Variants in MYO16 observed in about 807,000 individuals in gnomAD.
MYO16 encodes the protein myosin XVI.
A neutral mutation model predicts 205.3 loss-of-function variants in MYO16; 94 were observed. The ratio of observed to expected loss-of-function variants is 0.46; its 90% CI spans 0.39 to 0.54. The LOEUF (loss-of-function observed/expected upper bound fraction) is 0.54. MYO16 is among the 20% of genes least tolerant of loss of function. MYO16 has a pLI of 0.00. For missense variants in MYO16, 2,315 were observed against 2,387.5 expected (o/e 0.97, Z 0.63); for synonymous variants, 988 against 954.0 (o/e 1.04, Z -0.66).
chr13:108,944,707 T>C (rs1201865898), intron 16 of MYO16, among the ~76,000 whole-genome samples: 1 of 152,214 alleles, frequency 6.6e-6, no homozygotes, highest in Admixed American at 6.5e-5. Flanking sequence ...TCCATTTCAA[T>C]TTATTTCTAA....
chr13:108,845,726 A>G lies in MYO16; in HGVS notation c.1248+1233A>G, dbSNP rs1202424281. ...GTAAAATTTAAGAGAAAATATGTAT[A>G]TATTTTTTGAGACAGAAGATTGCTG... On this transcript the variant is annotated intron_variant, in intron 10 of 34. Transcript: ENST00000457511. Among the ~76,000 whole-genome samples, 4 of 152,276 alleles carry G rather than the reference A, an allele frequency of 2.6e-5. No individual in the cohort carries two copies. The East Asian group carries it at 7.7e-4, about 29-fold the overall frequency.
the MYO16 span, among the ~76,000 whole-genome samples, chr13:108,575,278 C>T: frequency 6.6e-6 from 1 of 152,160 alleles, no homozygotes; most frequent in African/African-American, 2.4e-5. Flanking sequence ...GAATGAGATT[C>T]AAGATGACCA....
intron 12 of MYO16, among the ~76,000 whole-genome samples, chr13:108,869,261 T>C (rs976231667): frequency 3.9e-5 from 6 of 152,190 alleles, no homozygotes; most frequent in Admixed American, 3.9e-4. Context: ...TATTCATTTA[T>C]TAAGGTCTTT....
chr13:109,085,416 C>T (rs1425542385), intron 27 of MYO16, among the ~76,000 whole-genome samples: 1 of 152,108 alleles, frequency 6.6e-6, no homozygotes, highest in African/African-American at 2.4e-5. Flanking sequence ...CCAGTCTTGA[C>T]AGAGCCCAGG....
chr13:108,530,300 A>G, the MYO16 span, among the ~76,000 whole-genome samples: 134 of 152,366 alleles, frequency 8.8e-4, no homozygotes, highest in African/African-American at 3.2e-3. Flanking sequence ...GAGATGTAGC[A>G]TTAAGGATGC....
chr13:108,915,058 A>G (rs1054740655), intron 16 of MYO16, among the ~76,000 whole-genome samples: 2 of 152,268 alleles, frequency 1.3e-5, no homozygotes, highest in Admixed American at 1.3e-4. Flanking sequence ...ATTTCAGCAT[A>G]AAATGAATGT....
intron 34 of MYO16, among the ~76,000 whole-genome samples, chr13:109,204,364 A>T (rs958757604): frequency 2.0e-5 from 3 of 152,192 alleles, no homozygotes; most frequent in Non-Finnish European, 4.4e-5. Flanking sequence ...TCACTACTGT[A>T]TGCTGAGTGT....
At chr13:109,149,831 C>G in intron 32 of MYO16, among the ~76,000 whole-genome samples, 1 of 152,190 alleles carries the variant, frequency 6.6e-6, no homozygotes, top group East Asian at 1.9e-4. Context: ...TAGGATTATT[C>G]CTCACATCCA....
the MYO16 span, among the ~76,000 whole-genome samples, chr13:108,560,023 G>T: frequency 6.6e-6 from 1 of 152,144 alleles, no homozygotes; most frequent in Non-Finnish European, 1.5e-5. Flanking sequence ...TAATGGTCCT[G>T]CAAGTGGGCT....
At chr13:108,701,102 T>C (rs1883289806) in intron 2 of MYO16, among the ~76,000 whole-genome samples, 2 of 152,126 alleles carry the variant, frequency 1.3e-5, no homozygotes, top group Non-Finnish European at 2.9e-5. Context: ...TTTCAGTGGC[T>C]ACACATGATA....
intron 2 of MYO16, among the ~76,000 whole-genome samples, chr13:108,693,727 A>T (rs1389319833): frequency 1.3e-5 from 2 of 152,136 alleles, no homozygotes; most frequent in Non-Finnish European, 2.9e-5. Flanking sequence ...TTAACTTTTA[A>T]GTTCAGTGGT....
chr13:108,799,391 A>G (rs1886901506), intron 6 of MYO16, among the ~76,000 whole-genome samples: 1 of 152,256 alleles, frequency 6.6e-6, no homozygotes, highest in Non-Finnish European at 1.5e-5. Flanking sequence ...TATTAAAAGT[A>G]AATGTGTGAT....
At position 109,127,616 on chromosome 13, in the gene MYO16, G is replaced by C; in HGVS notation, c.4051+66G>C. On this transcript the variant is annotated intron_variant, in intron 31 of 34. Coordinates refer to ENST00000457511, the MANE Select transcript of MYO16 (RefSeq NM_001198950.3). This position sits in a 1 kb window ranked among gnomAD's most constrained non-coding sequence, Gnocchi z 4.2. ...GCGCATGCTCTGACTTCGCCTTGGG[G>C]CGCCCATGGCAGTACTGTCGCCCTA... 6.5e-7 allele frequency: 1 copy of C among 1,537,356 alleles called. No homozygotes were observed. Among genetic ancestry groups the C allele is most frequent in the East Asian group, 2.4e-5 (1 of 42,466 alleles).
chr13:108,597,801 G>T (rs1878615807), intron 1 of MYO16, among the ~76,000 whole-genome samples: 1 of 152,174 alleles, frequency 6.6e-6, no homozygotes, highest in Non-Finnish European at 1.5e-5. Context: ...ACATTAGGTT[G>T]TGTTTCATAA....
chr13:109,176,743 G>T (rs1458202011), intron 33 of MYO16, among the ~76,000 whole-genome samples: 2 of 151,308 alleles, frequency 1.3e-5, no homozygotes, highest in Non-Finnish European at 2.9e-5. Context: ...GACTTCTCGG[G>T]CCCAGTCGCT....
In MYO16 at chr13:108,936,866, G is replaced by T. The variant is rs967167864; in HGVS notation, c.1926-20822G>T. Among the ~76,000 whole-genome samples, 4 of 152,224 alleles carry T rather than the reference G, an allele frequency of 2.6e-5. No individual in the cohort carries two copies. In the South Asian group the frequency reaches 6.2e-4, roughly 24 times the overall value. ...TTACATTCAAGGTTAATATTGATAT[G>T]TGAGGTTTTAATCCTGTCATGAAGC... is the stretch of plus-strand genomic sequence containing the variant. On this transcript the variant is annotated intron_variant, in intron 16 of 34. Coordinates refer to ENST00000457511, the MANE Select transcript of MYO16 (RefSeq NM_001198950.3).
At position 109,197,771 on chromosome 13, in the gene MYO16, T is replaced by C. The variant is rs12100140; in HGVS notation, c.5416-8838T>C. On this transcript the variant is annotated intron_variant, in intron 34 of 34. Coordinates refer to ENST00000457511, the MANE Select transcript of MYO16 (RefSeq NM_001198950.3). ...CAAATAATCTCTTTACTCTTTGAGC[T>C]TTCATTTCAGCTATAAAACCAAGGC... Among the ~76,000 whole-genome samples, 1,184 of 152,338 alleles carry C rather than the reference T, an allele frequency of 7.8e-3. 18 individuals carry two copies. Among genetic ancestry groups the C allele is most frequent in the African/African-American group, 0.026 (1,097 of 41,582 alleles).
the MYO16 span, among the ~76,000 whole-genome samples, chr13:108,587,329 A>G: frequency 2.6e-5 from 4 of 152,176 alleles, no homozygotes; most frequent in African/African-American, 9.7e-5. Context: ...CTGAGAAAAG[A>G]ATTCAGATAA....
At chr13:108,848,658 G>A (rs975110956) in intron 10 of MYO16, among the ~76,000 whole-genome samples, 8 of 151,964 alleles carry the variant, frequency 5.3e-5, no homozygotes, top group African/African-American at 1.9e-4. Flanking sequence ...AACGTAGCAG[G>A]GTTTGGTGGC....
Sources: gnomAD v4.1 joint callset for allele counts (sites outside exome capture counted in the v4.1 genomes callset) on GRCh38, gnomAD v4.1.1 for gene constraint, Gnocchi (gnomAD v3.1) non-coding constraint, MANE v1.5 for transcripts, NCBI Gene and HGNC (gene_info 2026-07-23, HGNC 2026-07-21) for gene names.